KMO: variants seen among roughly 807,000 people sequenced by gnomAD.
KMO encodes kynurenine 3-monooxygenase.
In KMO, 24 loss-of-function variants were observed where a neutral mutation model predicts 57.8. The observed-to-expected ratio is 0.42, with a 90% confidence interval of 0.30 to 0.58. The LOEUF (loss-of-function observed/expected upper bound fraction) is 0.58, where lower values mean the gene tolerates loss of function less well. KMO is among the 20% of genes least tolerant of loss of function. The probability of loss-of-function intolerance (pLI) is 0.22; values close to 1 mark genes in which losing one functional copy is unlikely to be tolerated. For missense variants in KMO, 483 were observed against 588.2 expected (o/e 0.82, Z 1.85); for synonymous variants, 210 against 193.6 (o/e 1.08, Z -0.70).
In KMO at chr1:241,558,590, A is replaced by C. The variant is rs559763327; in HGVS notation, c.362-2075A>C. ...TTAAGCCAAAGCAAACAGACAAAGG[A>C]TGTGTGGCCAAATAAGTCTGACAAA... On this transcript the variant is annotated intron_variant, in intron 5 of 14. Transcript: ENST00000366559. Among the ~76,000 whole-genome samples, 23 of 152,276 alleles carry C rather than the reference A, an allele frequency of 1.5e-4. 1 individual carries two copies. In the South Asian group the frequency reaches 4.6e-3, roughly 30 times the overall value.
chr1:241,547,030 A>C (rs140727876), intron 1 of KMO, among the ~76,000 whole-genome samples: 21 of 152,332 alleles, frequency 1.4e-4, no homozygotes, highest in Non-Finnish European at 2.4e-4. Context: ...ACTATTGTTG[A>C]AAATTCAAGT....
At chr1:241,552,602 C>T (rs928760727) in intron 4 of KMO, among the ~76,000 whole-genome samples, 3 of 152,070 alleles carry the variant, frequency 2.0e-5, no homozygotes, top group Admixed American at 6.5e-5. Context: ...CATGGTGGTC[C>T]GGATTTGAAA....
chr1:241,549,665 C>A lies in KMO; in HGVS notation c.125-12C>A. The A allele has an allele frequency of 1.3e-6, 2 of 1,583,314 alleles. No individual in the cohort carries two copies. The highest frequency in any genetic ancestry group is 1.7e-6 in the Non-Finnish European group (2 of 1,152,714). On this transcript the variant is annotated splice_polypyrimidine_tract_variant and intron_variant, in intron 2 of 14. Coordinates refer to ENST00000366559, the MANE Select transcript of KMO (RefSeq NM_003679.5). Reference sequence around the variant, plus strand: ...AGTGTGCGTAACATGGAGTCTGCTTCCAATGTCTCAGATACTCGAGTGGCT... The same window carrying A: ...AGTGTGCGTAACATGGAGTCTGCTTACAATGTCTCAGATACTCGAGTGGCT...
chr1:241,587,444 C>G (rs978617028), intron 11 of KMO, among the ~76,000 whole-genome samples: 1 of 152,102 alleles, frequency 6.6e-6, no homozygotes, highest in Admixed American at 6.6e-5. Flanking sequence ...GTTTTTTGCC[C>G]TATCAAAGAT....
At chr1:241,583,447 A>AG (rs1662835481) in intron 10 of KMO, among the ~76,000 whole-genome samples, 1 of 152,200 alleles carries the variant, frequency 6.6e-6, no homozygotes, top group African/African-American at 2.4e-5. Flanking sequence ...ACCTGGAATC[A>AG]GGGGCTTCAG....
chr1:241,576,175 A>G (rs1662509561), intron 10 of KMO, among the ~76,000 whole-genome samples: 1 of 151,932 alleles, frequency 6.6e-6, no homozygotes, highest in Admixed American at 6.6e-5. Context: ...GAGTCTCTTG[A>G]AGACAGCAGA....
chr1:241,562,750 G>A (rs1265802097), intron 7 of KMO, among the ~76,000 whole-genome samples: 3 of 152,076 alleles, frequency 2.0e-5, no homozygotes, highest in African/African-American at 7.2e-5. Flanking sequence ...GAGGTGGAAG[G>A]ATTGCTTGAG....
At chr1:241,576,044 T>A (rs1662503945) in intron 10 of KMO, among the ~76,000 whole-genome samples, 1 of 151,682 alleles carries the variant, frequency 6.6e-6, no homozygotes, top group Admixed American at 6.6e-5. Context: ...TTTTAACTGT[T>A]GTTTTAAAGT....
intron 1 of KMO, among the ~76,000 whole-genome samples, chr1:241,536,293 G>C (rs1433129786): frequency 1.3e-5 from 2 of 152,104 alleles, no homozygotes; most frequent in African/African-American, 4.8e-5. Context: ...CATACAAACT[G>C]CCTTACTTCA....
At chr1:241,584,193 T>C (rs1662874275) in intron 10 of KMO, among the ~76,000 whole-genome samples, 1 of 151,444 alleles carries the variant, frequency 6.6e-6, no homozygotes, top group South Asian at 2.1e-4. Context: ...TGTGTTCTCA[T>C]TGTTCAATTC....
At chr1:241,536,040 T>C (rs3014574) in intron 1 of KMO, among the ~76,000 whole-genome samples, 38,536 of 152,152 alleles carry the variant, frequency 0.25, 5,417 homozygotes, top group African/African-American at 0.37. Context: ...CTAAAATATT[T>C]TCTGTGCATG....
At chr1:241,577,215 G>A (rs1178092645) in intron 10 of KMO, among the ~76,000 whole-genome samples, 1 of 151,790 alleles carries the variant, frequency 6.6e-6, no homozygotes, top group East Asian at 1.9e-4. Flanking sequence ...ATAATGTTTT[G>A]ACATCTTTAT....
chr1:241,587,686 CA>C (rs1305552314), intron 11 of KMO, among the ~76,000 whole-genome samples: 1 of 152,054 alleles, frequency 6.6e-6, no homozygotes, highest in Non-Finnish European at 1.5e-5. Flanking sequence ...TCAAGTGATC[CA>C]CCCACCTCTG....
intron 14 of KMO, 72 bp from the exon 15 acceptor site, chr1:241,591,881 G>A: frequency 4.0e-6 from 5 of 1,253,894 alleles, no homozygotes; most frequent in Non-Finnish European, 4.6e-6. Flanking sequence ...CCCCTTTGTT[G>A]TTAAAAAATG....
chr1:241,589,025 A>G (rs962722930), intron 12 of KMO, among the ~76,000 whole-genome samples, 195 bp downstream of exon 12: 5 of 152,146 alleles, frequency 3.3e-5, no homozygotes, highest in South Asian at 2.1e-4. Flanking sequence ...AATGACCAAT[A>G]CACATTATCT....
chr1:241,553,625 G>A (rs1661495747), intron 4 of KMO, among the ~76,000 whole-genome samples: 2 of 152,108 alleles, frequency 1.3e-5, no homozygotes, highest in African/African-American at 4.8e-5. Flanking sequence ...GGAGGTTGAG[G>A]CTGCAGTGAG....
intron 10 of KMO, among the ~76,000 whole-genome samples, chr1:241,573,678 C>G (rs1305470389): frequency 2.6e-5 from 4 of 152,032 alleles, no homozygotes; most frequent in African/African-American, 9.7e-5. Context: ...GTAACTATAG[C>G]CTTGTAGTAT....
chr1:241,542,942 C>T (rs759512253), intron 1 of KMO, among the ~76,000 whole-genome samples: 1 of 152,156 alleles, frequency 6.6e-6, no homozygotes, highest in Non-Finnish European at 1.5e-5. Context: ...GTTAGCCACG[C>T]CCATTACTAC....
chr1:241,558,204 CT>C (rs1661710010), intron 5 of KMO, among the ~76,000 whole-genome samples: 1 of 152,184 alleles, frequency 6.6e-6, no homozygotes. Flanking sequence ...TACTAAGGAA[CT>C]TAAAACATGG....
Sources: gnomAD v4.1 joint callset for allele counts (sites outside exome capture counted in the v4.1 genomes callset) on GRCh38, gnomAD v4.1.1 for gene constraint, MANE v1.5 for transcripts, NCBI Gene and HGNC (gene_info 2026-07-23, HGNC 2026-07-21) for gene names.